Variants in MPPE1 observed in about 807,000 individuals in gnomAD.
MPPE1 encodes the protein metallophosphoesterase 1, also known as metallo phosphoesterase.
In MPPE1, 28 loss-of-function variants were observed where a neutral mutation model predicts 43.8. The ratio of observed to expected loss-of-function variants is 0.64; its 90% CI spans 0.47 to 0.88. MPPE1 has a LOEUF of 0.88. Among genes scored for constraint, MPPE1 ranks in the 40% least tolerant of loss-of-function variants. The probability of loss-of-function intolerance (pLI) is 0.00; values close to 1 mark genes in which losing one functional copy is unlikely to be tolerated. For synonymous variants in MPPE1, 159 were observed against 188.5 expected, an observed-to-expected ratio of 0.84 and a Z score of 1.28; for missense variants, 428 against 492.2, an observed-to-expected ratio of 0.87 and a Z score of 1.23.
At position 11,897,297 on chromosome 18, in the gene MPPE1, A is replaced by C. The variant is rs1444923046; in HGVS notation, c.-33T>G. ...GCAACAACAAATCCATCAAGGGTTC[A>C]CCACGAGAAAACTGCAGAGCCCTGG... On this transcript the variant is annotated 5_prime_UTR_variant, in exon 3 of 11. Coordinates refer to ENST00000588072, the MANE Select transcript of MPPE1 (RefSeq NM_023075.6). 2.2e-6 allele frequency: 2 copies of C among 915,212 alleles called. No individual in the cohort carries two copies. Among genetic ancestry groups the C allele is most frequent in the Non-Finnish European group, 3.4e-6 (2 of 591,098 alleles). The allele number at this position is 915,212 out of a possible 1,614,324, so 56.7% of individuals were successfully genotyped here.
chr18:11,905,673 A>C (rs1246065789), intron 2 of MPPE1: 1 of 152,280 alleles, frequency 6.6e-6, no homozygotes, highest in Non-Finnish European at 1.5e-5. Context: ...GACTCAGCTG[A>C]AGGAAACCTG....
In MPPE1 at chr18:11,891,350, G is replaced by A. The variant is rs1443453830; in HGVS notation, c.391-1860C>T. Reference sequence around the variant, plus strand: ...TAGCTGGGTGTGGTGGCGGGTGCCTGTAATCCCAACTACTCGAGGAGGCTG... The same window carrying A: ...TAGCTGGGTGTGGTGGCGGGTGCCTATAATCCCAACTACTCGAGGAGGCTG... On this transcript the variant is annotated intron_variant, in intron 4 of 10. Coordinates refer to ENST00000588072, the MANE Select transcript of MPPE1 (RefSeq NM_023075.6). 3.3e-5 allele frequency: 5 copies of A among 151,422 alleles called. No individual in the cohort carries two copies. The East Asian group carries it at 9.6e-4, about 29-fold the overall frequency. 9.4% of individuals were successfully genotyped at this position (151,422 alleles called of 1,614,324 possible). A position where few individuals can be genotyped will look rare whatever the true frequency, so the allele number is the denominator to read the frequency against.
Position 11,884,246 on chromosome 18 carries a change from A to C in MPPE1, c.*199T>G. The C allele has an allele frequency of 3.5e-6, 2 of 563,426 alleles. No homozygotes were observed. The highest frequency in any genetic ancestry group is 4.7e-5 in the South Asian group (2 of 42,656). 34.9% of individuals were successfully genotyped at this position (563,426 alleles called of 1,614,324 possible). On this transcript the variant is annotated 3_prime_UTR_variant, in exon 11 of 11. Transcript: ENST00000588072. ...AAAAATGAGAAAACAGATTTGTTGT[A>C]GAGTACCTGTCCACTTTTATAGCAT...
intron 2 of MPPE1, among the ~76,000 whole-genome samples, chr18:11,899,112 G>C (rs1225216924): frequency 6.6e-6 from 1 of 151,858 alleles, no homozygotes; most frequent in Non-Finnish European, 1.5e-5. Flanking sequence ...ATGGGGTGTT[G>C]CCATGCTGCC....
chr18:11,885,851 T>C, intron 9 of MPPE1, 35 bp from the exon 10 acceptor site: 1 of 1,573,818 alleles, frequency 6.4e-7, no homozygotes, highest in African/African-American at 1.4e-5. Flanking sequence ...AAGCAGGCTG[T>C]TAGCTCATCC....
Position 11,886,904 on chromosome 18 carries a change from G to A in MPPE1, c.678+13C>T. 1.2e-6 allele frequency: 2 copies of A among 1,606,018 alleles called. No individual in the cohort carries two copies. Among genetic ancestry groups the A allele is most frequent in the Non-Finnish European group, 8.5e-7 (1 of 1,174,182 alleles). ...GGACAGAAGGCACCTGTGGCATTCA[G>A]ATGCTCTCCTACCTCTCGGGAGCAG... On this transcript the variant is annotated intron_variant, in intron 7 of 10. Transcript: ENST00000588072. The surrounding 1 kb of genome is among the most constrained non-coding windows in gnomAD (Gnocchi z 4.1).
Position 11,884,207 on chromosome 18 carries a change from T to TA in MPPE1, c.*237dup. ...ACTGTACAGATGCAACCTTTGATGA[T>TA]ACATATATTTGATAAAAATGAGAAA... is the stretch of plus-strand genomic sequence containing the variant. On this transcript the variant is annotated 3_prime_UTR_variant, in exon 11 of 11. Transcript: ENST00000588072. 1 of 498,370 alleles carries TA rather than the reference T, an allele frequency of 2.0e-6. No individual in the cohort carries two copies. Among genetic ancestry groups the TA allele is most frequent in the South Asian group, 2.4e-5 (1 of 41,102 alleles). 30.9% of individuals were successfully genotyped at this position (498,370 alleles called of 1,614,324 possible).
chr18:11,885,777 G>C lies in MPPE1; in HGVS notation c.907C>G (p.His303Asp). 1 of 1,613,066 alleles carries C rather than the reference G, an allele frequency of 6.2e-7. No individual in the cohort carries two copies. Residue 303 changes from histidine (H) to aspartate (D), a missense_variant, in exon 10 of 11, where the codon CAC (histidine) becomes GAC (aspartate). This residue lies in a region of MPPE1 where 379 missense variants were observed against 402.5 expected (regional missense o/e 0.94). Coordinates refer to ENST00000588072, the MANE Select transcript of MPPE1 (RefSeq NM_023075.6). ...TGCACCTCGCAGGCGCTGTGCGTGT[G>C]GCCACTGAGAACCAGGCGCGGCTGG... ...WLQPRLVLSG[H>D]THSACEVHHG...
At position 11,886,975 on chromosome 18, in the gene MPPE1, C is replaced by G. The variant is rs1403145311; in HGVS notation, c.620G>C (p.Cys207Ser). 3 of 1,613,784 alleles carry G rather than the reference C, an allele frequency of 1.9e-6. No homozygotes were observed. The highest frequency in any genetic ancestry group is 2.5e-6 in the Non-Finnish European group (3 of 1,179,872). Residue 207 changes from cysteine (C) to serine (S), a missense_variant, in exon 7 of 11, where the codon TGC becomes TCC. Physicochemically the swap from Cys to Ser is moderately radical, Grantham distance 112 (BLOSUM62 -1). Around this residue, in one of 3 missense-constraint regions of MPPE1, gnomAD observed 379 missense variants for 402.5 expected, o/e 0.94. Coordinates refer to ENST00000588072, the MANE Select transcript of MPPE1 (RefSeq NM_023075.6). The surrounding 1 kb of genome is among the most constrained non-coding windows in gnomAD (Gnocchi z 4.1). ...VALNGDGCGI[C>S]SETEAELIEV... ...AATGAGCTCTGCTTCTGTTTCAGAG[C>G]AGATGCCACAGCCATCCCCGTTCAG...
chr18:11,906,740 G>C (rs2039751124), intron 1 of MPPE1, among the ~76,000 whole-genome samples: 1 of 151,850 alleles, frequency 6.6e-6, no homozygotes, highest in South Asian at 2.1e-4. Context: ...TGTAATCCCA[G>C]CTACTCGGGA....
chr18:11,886,869 G>C lies in MPPE1; in HGVS notation c.678+48C>G. 6.3e-7 allele frequency: 1 copy of C among 1,596,080 alleles called. No homozygotes were observed. Among genetic ancestry groups the C allele is most frequent in the South Asian group, 1.1e-5 (1 of 90,330 alleles). On this transcript the variant is annotated intron_variant, in intron 7 of 10. Coordinates refer to ENST00000588072, the MANE Select transcript of MPPE1 (RefSeq NM_023075.6). The surrounding 1 kb of genome is among the most constrained non-coding windows in gnomAD (Gnocchi z 4.1). ...GGGGGCTGAGTGAGCAACCGAAGCG[G>C]AGCAACACGGGACAGAAGGCACCTG...
chr18:11,896,518 C>T (rs1334828132), intron 3 of MPPE1, among the ~76,000 whole-genome samples: 1 of 152,186 alleles, frequency 6.6e-6, no homozygotes, highest in Non-Finnish European at 1.5e-5. Context: ...CACAAATCTG[C>T]TCTGCTCCTC....
chr18:11,886,378 A>G lies in MPPE1; in HGVS notation c.867+121T>C. ...GCCTCCACCCCTGTCCCCCCAGGTG[A>G]TAACTAAGTCATGAACGTTTCAGCA... is the stretch of plus-strand genomic sequence containing the variant. On this transcript the variant is annotated intron_variant, in intron 9 of 10. Transcript: ENST00000588072. This position sits in a 1 kb window ranked among gnomAD's most constrained non-coding sequence, Gnocchi z 4.1. The G allele has an allele frequency of 5.0e-6, 7 of 1,392,506 alleles. No individual in the cohort carries two copies. The highest frequency in any genetic ancestry group is 7.0e-6 in the Non-Finnish European group (7 of 993,138). The allele number at this position is 1,392,506 out of a possible 1,614,324, so 86.3% of individuals were successfully genotyped here.
intron 2 of MPPE1, among the ~76,000 whole-genome samples, chr18:11,903,540 C>G (rs1025771528): frequency 1.3e-5 from 2 of 152,206 alleles, no homozygotes; most frequent in Non-Finnish European, 2.9e-5. Context: ...GGCACGGTGG[C>G]TCACGCCTGT....
In MPPE1 at chr18:11,885,829, G is replaced by A. The variant is rs369058151; in HGVS notation, c.868-13C>T. ...GCCACCACAGCAGCTGACAGTGGCCGAGAAGACAGCAAAGCAGGCTGTTAG... is the reference window on the plus strand; with the variant it reads ...GCCACCACAGCAGCTGACAGTGGCCAAGAAGACAGCAAAGCAGGCTGTTAG... On this transcript the variant is annotated splice_polypyrimidine_tract_variant and intron_variant, in intron 9 of 10. Coordinates refer to ENST00000588072, the MANE Select transcript of MPPE1 (RefSeq NM_023075.6). 2.1e-5 allele frequency: 34 copies of A among 1,596,902 alleles called. No individual in the cohort carries two copies. In the African/African-American group the frequency reaches 3.0e-4, roughly 14 times the overall value.
Position 11,883,468 on chromosome 18 carries a change from AACTTTTATCTGGCTTACAATTATTAAAGC to A in MPPE1, c.*948_*976del, listed in dbSNP as rs2036770290. 2 of 153,488 alleles carry A rather than the reference AACTTTTATCTGGCTTACAATTATTAAAGC, an allele frequency of 1.3e-5. No individual in the cohort carries two copies. Among genetic ancestry groups the A allele is most frequent in the African/African-American group, 4.8e-5 (2 of 41,448 alleles). The allele number at this position is 153,488 out of a possible 1,614,324, so 9.5% of individuals were successfully genotyped here. On this transcript the variant is annotated 3_prime_UTR_variant, in exon 11 of 11. Transcript: ENST00000588072. ...TGTTAAGAAAAAAAACAAAAAGAAT[AACTTTTATCTGGCTTACAATTATTAAAGC>A]ATTTATTTTCAGGTACCAAAAGCCA...
intron 6 of MPPE1, among the ~76,000 whole-genome samples, chr18:11,887,976 G>A (rs2037529971): frequency 6.6e-6 from 1 of 152,182 alleles, no homozygotes; most frequent in African/African-American, 2.4e-5. Flanking sequence ...GGTCAACAGA[G>A]TGCTGGGCAC....
chr18:11,885,014 C>G, intron 10 of MPPE1: 1 of 1,298,330 alleles, frequency 7.7e-7, no homozygotes, highest in South Asian at 1.2e-5. Context: ...TGTCTTCCTG[C>G]CCCTTGATGC....
Position 11,889,425 on chromosome 18 carries a change from C to A in MPPE1, c.456G>T (p.Lys152Asn), listed in dbSNP as rs1343260716. 8 of 1,613,400 alleles carry A rather than the reference C, an allele frequency of 5.0e-6. No homozygotes were observed. Among genetic ancestry groups the A allele is most frequent in the Non-Finnish European group, 6.8e-6 (8 of 1,179,672 alleles). ...MFRHPSHVQL[K>N]VVAGNHDIGF... ...CAATGTCATGGTTTCCAGCAACTAC[C>A]TTCAGCTGTACATGACTTGGGTGTC... The change falls in exon 5 of 11, where the codon AAG becomes AAT. Residue 152 changes from lysine (K) to asparagine (N), a missense_variant. Transcript: ENST00000588072.
Sources: gnomAD v4.1 joint callset for allele counts (sites outside exome capture counted in the v4.1 genomes callset) on GRCh38, gnomAD v4.1.1 for gene constraint, gnomAD v4.1.1 regional missense constraint, Gnocchi (gnomAD v3.1) non-coding constraint, MANE v1.5 for transcripts, NCBI Gene and HGNC (gene_info 2026-07-23, HGNC 2026-07-21) for gene names.